Variants in GALNT13 observed in about 807,000 individuals in gnomAD.
GALNT13 encodes the protein UDP-GalNAc:polypeptide N-acetylgalactosaminyltransferase 13.
In GALNT13, 28 loss-of-function variants were observed where a neutral mutation model predicts 64.2. The ratio of observed to expected loss-of-function variants is 0.44; its 90% confidence interval spans 0.32 to 0.60. The LOEUF (loss-of-function observed/expected upper bound fraction) is 0.60. Ranked by LOEUF, GALNT13 falls within the 20% of genes least tolerant of loss-of-function variation. GALNT13 has a pLI of 0.05. For missense variants in GALNT13, 577 were observed against 669.8 expected (o/e 0.86, Z 1.53); for synonymous variants, 214 against 224.6 (o/e 0.95, Z 0.42).
chr2:153,204,860 T>C, the GALNT13 span, among the ~76,000 whole-genome samples: 2 of 152,150 alleles, frequency 1.3e-5, no homozygotes, highest in African/African-American at 4.8e-5. Context: ...TATTCTCTAT[T>C]GAAGAAATCT....
chr2:154,445,556 A>C (rs1701523673), intron 12 of GALNT13, among the ~76,000 whole-genome samples: 1 of 152,004 alleles, frequency 6.6e-6, no homozygotes, highest in South Asian at 2.1e-4. Flanking sequence ...TTCTTAAAAA[A>C]TCAAGCTATA....
At chr2:154,337,110 C>T (rs1462768005) in intron 9 of GALNT13, among the ~76,000 whole-genome samples, 4 of 151,964 alleles carry the variant, frequency 2.6e-5, no homozygotes, top group African/African-American at 9.7e-5. Context: ...TGCCAGGCCC[C>T]ACATAACAGG....
intron 3 of GALNT13, among the ~76,000 whole-genome samples, chr2:154,049,237 G>T (rs796103992): frequency 2.6e-5 from 4 of 151,166 alleles, no homozygotes; most frequent in Non-Finnish European, 4.4e-5. Flanking sequence ...ACATTTTGCG[G>T]GTCTGTGGAA....
At chr2:153,995,166 A>G (rs867047202) in intron 3 of GALNT13, among the ~76,000 whole-genome samples, 1 of 152,088 alleles carries the variant, frequency 6.6e-6, no homozygotes, top group Admixed American at 6.6e-5. Flanking sequence ...AAACATTTGC[A>G]TATCTATATT....
At chr2:153,297,542 T>C in the GALNT13 span, among the ~76,000 whole-genome samples, 1 of 152,168 alleles carries the variant, frequency 6.6e-6, no homozygotes, top group African/African-American at 2.4e-5. Context: ...GTTAGAGACA[T>C]GCAGTAAAAA....
chr2:153,872,720 G>A (rs185635948), intron 1 of GALNT13, among the ~76,000 whole-genome samples: 14 of 148,884 alleles, frequency 9.4e-5, no homozygotes, highest in Non-Finnish European at 1.6e-4. Context: ...TCTCGCACCA[G>A]CTGCAGGCAG....
chr2:153,652,189 A>G, the GALNT13 span, among the ~76,000 whole-genome samples: 3 of 152,196 alleles, frequency 2.0e-5, no homozygotes, highest in Admixed American at 1.3e-4. Flanking sequence ...TTTCGGTAAT[A>G]TATCTTAGGG....
intron 4 of GALNT13, among the ~76,000 whole-genome samples, chr2:154,215,528 A>G (rs1687995092): frequency 6.6e-6 from 1 of 152,060 alleles, no homozygotes; most frequent in Non-Finnish European, 1.5e-5. Context: ...CTTATATTTA[A>G]TTTGCTCTGC....
chr2:154,142,900 T>C (rs951748340), intron 4 of GALNT13, among the ~76,000 whole-genome samples: 7 of 152,116 alleles, frequency 4.6e-5, no homozygotes, highest in Non-Finnish European at 1.0e-4. Context: ...AATAAGCATA[T>C]ACAAAAAATA....
the GALNT13 span, among the ~76,000 whole-genome samples, chr2:153,361,316 A>G: frequency 3.3e-5 from 5 of 152,124 alleles, no homozygotes; most frequent in Non-Finnish European, 7.4e-5. Context: ...TTCTCCTCCA[A>G]ATGATCACAA....
At chr2:154,342,205 C>T (rs1695808731) in intron 9 of GALNT13, among the ~76,000 whole-genome samples, 1 of 151,912 alleles carries the variant, frequency 6.6e-6, no homozygotes, top group African/African-American at 2.4e-5. Context: ...ATTTTAAGGT[C>T]AGGGCACACT....
chr2:153,657,378 A>T, the GALNT13 span, among the ~76,000 whole-genome samples: 1 of 152,262 alleles, frequency 6.6e-6, no homozygotes, highest in South Asian at 2.1e-4. Flanking sequence ...CTATTGCAAT[A>T]GATGGTAGAA....
chr2:153,845,939 A>T, the GALNT13 span, among the ~76,000 whole-genome samples: 1 of 152,202 alleles, frequency 6.6e-6, no homozygotes, highest in Non-Finnish European at 1.5e-5. Flanking sequence ...AAAAAATAAG[A>T]TAGTGAAATG....
chr2:154,360,364 T>A (rs1212818694), intron 9 of GALNT13, among the ~76,000 whole-genome samples: 1 of 152,164 alleles, frequency 6.6e-6, no homozygotes, highest in African/African-American at 2.4e-5. Flanking sequence ...TTAAAAAGAA[T>A]AGTCCAACCA....
chr2:153,988,593 A>G (rs1202284763), intron 3 of GALNT13, among the ~76,000 whole-genome samples: 3 of 151,918 alleles, frequency 2.0e-5, no homozygotes, highest in Non-Finnish European at 4.4e-5. Flanking sequence ...TAGGTTGATC[A>G]TGGACCATAA....
chr2:153,650,237 T>C, the GALNT13 span, among the ~76,000 whole-genome samples: 20,859 of 152,068 alleles, frequency 0.14, 1,942 homozygotes, highest in East Asian at 0.49. Flanking sequence ...TTTGTCTCTT[T>C]TGATCTTTGT....
chr2:153,820,608 C>T, the GALNT13 span, among the ~76,000 whole-genome samples: 1 of 152,038 alleles, frequency 6.6e-6, no homozygotes, highest in Non-Finnish European at 1.5e-5. Context: ...TTATATTCCG[C>T]CAAAGTAAGC....
chr2:154,180,723 G>T (rs762017304), intron 4 of GALNT13, among the ~76,000 whole-genome samples: 2 of 151,986 alleles, frequency 1.3e-5, no homozygotes, highest in Non-Finnish European at 2.9e-5. Flanking sequence ...AAATTAACCT[G>T]TGTGATAAAT....
chr2:153,555,197 T>TCATTCTCACTACTATCTTG, the GALNT13 span, among the ~76,000 whole-genome samples: 128 of 100,402 alleles, frequency 1.3e-3, 1 homozygote, highest in African/African-American at 2.3e-3. Flanking sequence ...TTACTTTTTT[T>TCATTCTCACTACTATCTTG]TTTTTTTTTT....
Sources: allele counts gnomAD v4.1 joint callset (sites outside exome capture counted in the v4.1 genomes callset), GRCh38; gene constraint gnomAD v4.1.1; transcripts MANE v1.5; gene names NCBI Gene and HGNC (gene_info 2026-07-23, HGNC 2026-07-21).